DACH2: variants seen among roughly 807,000 people sequenced by gnomAD.
DACH2 encodes dachshund family transcription factor 2.
A neutral mutation model predicts 35.8 loss-of-function variants in DACH2; 17 were observed. That is an observed-to-expected ratio of 0.48 (90% CI 0.33 to 0.71). DACH2 has a LOEUF of 0.71. Ranked by LOEUF, DACH2 falls within the 30% of genes least tolerant of loss-of-function variation. DACH2 has a pLI of 0.02. For missense variants in DACH2, 469 were observed against 472.7 expected, an observed-to-expected ratio of 0.99 and a Z score of 0.07; for synonymous variants, 195 against 177.3, an observed-to-expected ratio of 1.10 and a Z score of -0.79.
intron 4 of DACH2, among the ~76,000 whole-genome samples, chrX:86,686,220 A>C (rs2040941187): frequency 9.1e-6 from 1 of 109,919 alleles, no homozygotes; most frequent in African/African-American, 3.3e-5. Context: ...GGGTATTTTT[A>C]TTTTATTTAT....
At chrX:86,549,360 A>G (rs2039017014) in intron 3 of DACH2, among the ~76,000 whole-genome samples, 1 of 111,416 alleles carries the variant, frequency 9.0e-6, no homozygotes, top group African/African-American at 3.2e-5. Context: ...CCATAAGGCC[A>G]TTATCAAGAA....
chrX:86,291,637 G>T (rs1383086279), intron 1 of DACH2, among the ~76,000 whole-genome samples: 1 of 108,356 alleles, frequency 9.2e-6, no homozygotes, highest in Non-Finnish European at 1.9e-5. Flanking sequence ...AGCATGAAGG[G>T]TTGTTAAATT....
chrX:86,670,186 G>A (rs762278116), intron 4 of DACH2, among the ~76,000 whole-genome samples: 26 of 111,087 alleles, frequency 2.3e-4, no homozygotes, highest in Non-Finnish European at 4.2e-4. Context: ...CTTACATAAA[G>A]TTAGGATGAT....
At chrX:86,799,182 CT>C in intron 7 of DACH2, 1 of 266,900 alleles carries the variant, frequency 3.7e-6, no homozygotes, top group Admixed American at 4.6e-5. Flanking sequence ...GATCCAACAA[CT>C]TTTTGAAACT....
intron 1 of DACH2, among the ~76,000 whole-genome samples, chrX:86,218,125 G>C (rs2032620242): frequency 9.0e-6 from 1 of 111,390 alleles, no homozygotes; most frequent in Non-Finnish European, 1.9e-5. Flanking sequence ...ATTGCCCAAG[G>C]TCTCACAGTT....
intron 11 of DACH2, chrX:86,831,880 G>A (rs943864374): frequency 4.8e-5 from 17 of 351,657 alleles, no homozygotes; most frequent in Middle Eastern, 7.6e-4. Context: ...CAATGTCTCC[G>A]GTGCTGTGGA....
At chrX:86,544,267 C>T (rs2038927962) in intron 3 of DACH2, among the ~76,000 whole-genome samples, 1 of 111,123 alleles carries the variant, frequency 9.0e-6, no homozygotes, top group South Asian at 3.8e-4. Flanking sequence ...CAGAGACCAA[C>T]ATTCAAATTC....
intron 4 of DACH2, among the ~76,000 whole-genome samples, chrX:86,674,982 ATG>A (rs1443167096): frequency 9.0e-6 from 1 of 111,116 alleles, no homozygotes; most frequent in Non-Finnish European, 1.9e-5. Context: ...AACATGTAAT[ATG>A]TATAAATTAT....
At chrX:86,445,416 C>A (rs939505947) in intron 2 of DACH2, among the ~76,000 whole-genome samples, 1 of 92,903 alleles carries the variant, frequency 1.1e-5, no homozygotes, top group African/African-American at 4.0e-5. Context: ...CTAGATGACA[C>A]GTTAGTGGGT....
chrX:86,528,929 A>G, intron 3 of DACH2, among the ~76,000 whole-genome samples: 1 of 112,505 alleles, frequency 8.9e-6, no homozygotes, highest in Middle Eastern at 4.6e-3. Context: ...TATCATTTCT[A>G]TGTGTTGGGT....
chrX:86,572,924 A>G (rs1236310613), intron 3 of DACH2, among the ~76,000 whole-genome samples: 1 of 111,488 alleles, frequency 9.0e-6, no homozygotes, highest in African/African-American at 3.3e-5. Context: ...CAACTGTGTC[A>G]TGTGTTCTTC....
chrX:86,774,371 C>T (rs1013708217), intron 7 of DACH2, among the ~76,000 whole-genome samples: 5 of 111,612 alleles, frequency 4.5e-5, no homozygotes, highest in Non-Finnish European at 9.4e-5. Context: ...TTTTTGCCTT[C>T]AATAGTTTGT....
intron 1 of DACH2, among the ~76,000 whole-genome samples, chrX:86,220,623 A>G (rs779610444): frequency 8.9e-6 from 1 of 112,293 alleles, no homozygotes; most frequent in South Asian, 3.7e-4. Context: ...TTTGTACATT[A>G]AAGAATATTT....
chrX:86,808,614 C>A (rs1251224793), intron 7 of DACH2, among the ~76,000 whole-genome samples: 1 of 102,012 alleles, frequency 9.8e-6, no homozygotes, highest in Non-Finnish European at 2.0e-5. Context: ...AGGTGTCTCA[C>A]TTGTCCTGAA....
chrX:86,556,865 T>G (rs2039138436), intron 3 of DACH2, among the ~76,000 whole-genome samples: 1 of 93,536 alleles, frequency 1.1e-5, no homozygotes, highest in African/African-American at 4.0e-5. Context: ...GCTCATGCAG[T>G]TACGGAGGCT....
chrX:86,401,295 G>A (rs756869271), intron 2 of DACH2, among the ~76,000 whole-genome samples: 1 of 112,306 alleles, frequency 8.9e-6, no homozygotes, highest in East Asian at 2.8e-4. Context: ...TCTTTGACTA[G>A]GAAAGGGAAT....
chrX:86,804,036 C>G (rs2042319593), intron 7 of DACH2, among the ~76,000 whole-genome samples: 1 of 111,956 alleles, frequency 8.9e-6, no homozygotes, highest in Non-Finnish European at 1.9e-5. Flanking sequence ...TTATTACATT[C>G]TCTACAGTTT....
At chrX:86,157,906 A>G (rs754389908) in intron 1 of DACH2, among the ~76,000 whole-genome samples, 1 of 111,474 alleles carries the variant, frequency 9.0e-6, no homozygotes, top group Non-Finnish European at 1.9e-5. Context: ...TTTTGAAAAC[A>G]TATGTAATTA....
chrX:86,522,148 C>G (rs2038564274), intron 3 of DACH2, among the ~76,000 whole-genome samples: 1 of 111,574 alleles, frequency 9.0e-6, no homozygotes, highest in African/African-American at 3.3e-5. Flanking sequence ...TTAAACTCCA[C>G]TAGTTCAGAA....
Sources: allele counts gnomAD v4.1 joint callset (sites outside exome capture counted in the v4.1 genomes callset), GRCh38; gene constraint gnomAD v4.1.1; transcripts MANE v1.5; gene names NCBI Gene and HGNC (gene_info 2026-07-23, HGNC 2026-07-21).